Variants in EHBP1 observed in about 807,000 individuals in gnomAD.
The protein encoded by EHBP1 is EH domain-binding protein 1.
A neutral mutation model predicts 144.0 loss-of-function variants in EHBP1; 55 were observed. The observed-to-expected ratio is 0.38, with a 90% CI of 0.31 to 0.48. The LOEUF (loss-of-function observed/expected upper bound fraction) is 0.48. EHBP1 is among the 20% of genes least tolerant of loss of function. The probability of loss-of-function intolerance (pLI) is 0.98; values close to 1 mark genes in which losing one functional copy is unlikely to be tolerated. For synonymous variants in EHBP1, 469 were observed against 472.7 expected, an observed-to-expected ratio of 0.99 and a Z score of 0.10; for missense variants, 1,200 against 1,364.2, an observed-to-expected ratio of 0.88 and a Z score of 1.90.
intron 10 of EHBP1, among the ~76,000 whole-genome samples, chr2:62,914,886 A>G (rs1016036624): frequency 1.3e-5 from 2 of 152,100 alleles, no homozygotes; most frequent in Non-Finnish European, 2.9e-5. Context: ...CCAAAATTGC[A>G]TTCATAATTG....
intron 7 of EHBP1, among the ~76,000 whole-genome samples, chr2:62,841,982 G>A (rs1188056188): frequency 2.6e-5 from 4 of 152,104 alleles, no homozygotes; most frequent in African/African-American, 4.8e-5. Flanking sequence ...CTGCATATTT[G>A]TTATCTGGTG....
intron 7 of EHBP1, among the ~76,000 whole-genome samples, chr2:62,856,824 G>C (rs1053628057): frequency 3.3e-5 from 5 of 152,210 alleles, no homozygotes; most frequent in African/African-American, 1.2e-4. Context: ...TCATAAGGTG[G>C]CAGATGGAAT....
chr2:63,025,395 G>A (rs1436248109), intron 19 of EHBP1, among the ~76,000 whole-genome samples: 1 of 152,146 alleles, frequency 6.6e-6, no homozygotes. Flanking sequence ...TGAGTGGCTG[G>A]TACTGCAGGT....
intron 19 of EHBP1, among the ~76,000 whole-genome samples, chr2:63,000,506 G>T: frequency 6.6e-6 from 1 of 152,028 alleles, no homozygotes. Flanking sequence ...GACCAGCCTG[G>T]CTAACATGGT....
intron 4 of EHBP1, among the ~76,000 whole-genome samples, chr2:62,766,958 TAAAAAAA>T (rs774238457): frequency 9.4e-6 from 1 of 105,834 alleles, no homozygotes; most frequent in African/African-American, 3.6e-5. Context: ...TGTGCTTCAT[TAAAAAAA>T]AAAAAAAAAA....
chr2:62,694,791 G>A (rs1378237303), intron 1 of EHBP1, among the ~76,000 whole-genome samples: 2 of 151,876 alleles, frequency 1.3e-5, no homozygotes, highest in Non-Finnish European at 1.5e-5. Flanking sequence ...TTTTTTCTTC[G>A]ACTTGCTCCA....
chr2:62,793,295 C>G (rs576893613), intron 5 of EHBP1, among the ~76,000 whole-genome samples: 2 of 152,022 alleles, frequency 1.3e-5, no homozygotes, highest in African/African-American at 4.8e-5. Flanking sequence ...TTTTCAACCA[C>G]TCACAAAACT....
intron 5 of EHBP1, among the ~76,000 whole-genome samples, chr2:62,821,421 G>A (rs1366185628): frequency 6.6e-6 from 1 of 152,182 alleles, no homozygotes; most frequent in African/African-American, 2.4e-5. Context: ...TGGTGTGGTA[G>A]CTCACGCCTG....
At chr2:62,775,743 C>T (rs1430616382) in intron 5 of EHBP1, among the ~76,000 whole-genome samples, 1 of 152,140 alleles carries the variant, frequency 6.6e-6, no homozygotes, top group African/African-American at 2.4e-5. Flanking sequence ...ATTATAATAA[C>T]TCTGGTGTGA....
At chr2:63,043,234 A>G (rs1329968165) in intron 21 of EHBP1, among the ~76,000 whole-genome samples, 1 of 152,198 alleles carries the variant, frequency 6.6e-6, no homozygotes, top group East Asian at 1.9e-4. Flanking sequence ...TCCTCTCCTC[A>G]GTTGCATTTA....
At chr2:62,757,264 A>T (rs532293606) in intron 3 of EHBP1, among the ~76,000 whole-genome samples, 1 of 151,956 alleles carries the variant, frequency 6.6e-6, no homozygotes, top group Non-Finnish European at 1.5e-5. Flanking sequence ...AGGCAGCTGG[A>T]GAGGCGTGCA....
chr2:63,038,728 T>C lies in EHBP1; in HGVS notation c.3204-15T>C. ...TAGTAATTAGCATATTGATGAACTT[T>C]TGCAACTTGCCCAGGGAAAAAGAAC... On this transcript the variant is annotated splice_polypyrimidine_tract_variant and intron_variant, in intron 20 of 22. Transcript: ENST00000431489. 6.2e-7 allele frequency: 1 copy of C among 1,612,598 alleles called. No individual in the cohort carries two copies. Among genetic ancestry groups the C allele is most frequent in the Non-Finnish European group, 8.5e-7 (1 of 1,178,840 alleles).
At chr2:62,990,612 T>C in intron 15 of EHBP1, 104 bp from the exon 16 acceptor site, 1 of 1,233,766 alleles carries the variant, frequency 8.1e-7, no homozygotes, top group East Asian at 2.4e-5. Flanking sequence ...TTTTCTTCTT[T>C]CTTTTAAAAT....
intron 14 of EHBP1, among the ~76,000 whole-genome samples, chr2:62,972,655 A>C (rs530267752): frequency 6.6e-6 from 1 of 152,148 alleles, no homozygotes; most frequent in Admixed American, 6.6e-5. Flanking sequence ...CAAACAACAC[A>C]GATATGCCAT....
intron 19 of EHBP1, among the ~76,000 whole-genome samples, chr2:62,996,994 G>A (rs1466680111): frequency 2.0e-5 from 3 of 151,954 alleles, no homozygotes; most frequent in Non-Finnish European, 4.4e-5. Context: ...ATTGAACAGT[G>A]TGCTCATCCA....
chr2:62,931,137 A>ATT (rs981657030), intron 10 of EHBP1, among the ~76,000 whole-genome samples: 5 of 152,220 alleles, frequency 3.3e-5, no homozygotes, highest in Non-Finnish European at 7.3e-5. Flanking sequence ...TTAAGAAGGG[A>ATT]TTTATATCCA....
intron 2 of EHBP1, among the ~76,000 whole-genome samples, chr2:62,710,477 T>C (rs2035043001): frequency 6.6e-6 from 1 of 151,266 alleles, no homozygotes; most frequent in Non-Finnish European, 1.5e-5. Flanking sequence ...TTCTTATTTT[T>C]CTATGTCATA....
rs370771554 is a variant in EHBP1 at position 62,722,248 on chromosome 2, C to T, written c.104+14953C>T. Among the ~76,000 whole-genome samples, 85 of 152,020 alleles carry T rather than the reference C, an allele frequency of 5.6e-4. No homozygotes were observed. The East Asian group carries it at 0.012, about 22-fold the overall frequency. On this transcript the variant is annotated intron_variant, in intron 2 of 22. Coordinates refer to ENST00000431489, the MANE Select transcript of EHBP1 (RefSeq NM_001142616.3). ...CTGGGTTCAGGCGATTCTCCTGCCT[C>T]GGCCTCCCGAGTAGCTGGAACTATA...
chr2:62,693,524 G>A (rs1020926602), intron 1 of EHBP1, among the ~76,000 whole-genome samples: 4 of 151,990 alleles, frequency 2.6e-5, no homozygotes, highest in African/African-American at 9.7e-5. Flanking sequence ...TTATTTATAG[G>A]ATACATGTGT....
Sources: allele counts gnomAD v4.1 joint callset (sites outside exome capture counted in the v4.1 genomes callset), GRCh38; gene constraint gnomAD v4.1.1; transcripts MANE v1.5; gene names NCBI Gene and HGNC (gene_info 2026-07-23, HGNC 2026-07-21).